The following EBI3 variants were observed in gnomAD, a reference collection of about 807,000 sequenced individuals.
The protein encoded by EBI3 is Epstein-Barr virus induced 3.
Under a neutral mutation model 21.3 loss-of-function variants are expected in EBI3, and 19 were observed. That is an observed-to-expected ratio of 0.89 (90% CI 0.62 to 1.31). EBI3 has a LOEUF of 1.31. Among genes scored for constraint, EBI3 ranks in the 50% most tolerant of loss-of-function variants. The pLI, the probability that EBI3 is intolerant of heterozygous loss-of-function variation, is 0.00. For missense variants in EBI3, 331 were observed against 314.0 expected, an observed-to-expected ratio of 1.05 and a Z score of -0.41; for synonymous variants, 154 against 131.2, an observed-to-expected ratio of 1.17 and a Z score of -1.19.
At chr19:4,233,458 G>A (rs1262075261) in intron 3 of EBI3, 151 bp downstream of exon 3, 18 of 902,592 alleles carry the variant, frequency 2.0e-5, no homozygotes, top group Non-Finnish European at 2.4e-5. Context: ...CTACCAGTAC[G>A]TGGAGCACCC....
chr19:4,229,720 C>T, intron 1 of EBI3, 103 bp downstream of exon 1: 3 of 1,233,086 alleles, frequency 2.4e-6, no homozygotes, highest in Non-Finnish European at 3.4e-6. Flanking sequence ...CCTCCCGTGC[C>T]CAATGGTGGG....
chr19:4,235,160 G>A (rs113929094), intron 4 of EBI3, among the ~76,000 whole-genome samples: 10,051 of 149,128 alleles, frequency 0.067, 555 homozygotes, highest in South Asian at 0.31. Flanking sequence ...CTGGGATTAC[G>A]GGCACGTGCC....
intron 1 of EBI3, 80 bp from the exon 2 acceptor site, chr19:4,231,111 C>T (rs562196938): frequency 6.2e-6 from 9 of 1,456,106 alleles, no homozygotes; most frequent in African/African-American, 5.8e-5. Flanking sequence ...TGGCTGGCAA[C>T]GTGGCAGGAG....
chr19:4,237,070 A>G lies in EBI3; in HGVS notation c.672A>G (p.Thr224=), dbSNP rs4905. ...LSDWSLPATA[T]MSLGK ...ACTGGAGTCTCCCCGCCACTGCCAC[A>G]ATGAGCCTGGGCAAGTAGCAAGGGC... The change falls in exon 5 of 5, where the codon ACA becomes ACG. Residue 224 remains threonine (T), a synonymous_variant. Transcript: ENST00000221847. 488,699 of 1,542,640 alleles carry G rather than the reference A, an allele frequency of 0.32. 83,375 individuals carry two copies. The highest frequency in any genetic ancestry group is 0.63 in the African/African-American group (44,794 of 71,194).
intron 4 of EBI3, among the ~76,000 whole-genome samples, chr19:4,235,800 A>AC (rs1970832220): frequency 6.6e-6 from 1 of 152,108 alleles, no homozygotes; most frequent in African/African-American, 2.4e-5. Flanking sequence ...GTGGTGACAC[A>AC]CACCTGTACC....
chr19:4,229,702 A>G (rs752857589), intron 1 of EBI3, 85 bp downstream of exon 1: 4 of 1,372,376 alleles, frequency 2.9e-6, no homozygotes, highest in Non-Finnish European at 4.0e-6. Context: ...TGGGGTGGGA[A>G]ATCACATCCT....
At position 4,234,789 on chromosome 19, in the gene EBI3, C is replaced by A. The variant is rs199852649; in HGVS notation, c.502C>A (p.Arg168Ser). 4 of 1,613,916 alleles carry A rather than the reference C, an allele frequency of 2.5e-6. No individual in the cohort carries two copies. The highest frequency in any genetic ancestry group is 3.4e-6 in the Non-Finnish European group (4 of 1,179,990). Residue 168 changes from arginine (R) to serine (S), a missense_variant, in exon 4 of 5, where the codon CGT (arginine) becomes AGT (serine). By Grantham distance (110) the Arg-to-Ser change is moderately radical. Transcript: ENST00000221847. ...GATCTTCTCACTGAAGTACTGGATC[C>A]GTTACAAGCGTCAGGGAGCTGCGCG... ...PEIFSLKYWI[R>S]YKRQGAARFH...
intron 1 of EBI3, 102 bp from the exon 2 acceptor site, chr19:4,231,089 T>C (rs1361696403): frequency 7.0e-7 from 1 of 1,427,580 alleles, no homozygotes; most frequent in Non-Finnish European, 9.2e-7. Flanking sequence ...GCACCTACCA[T>C]GTACCTGGTG....
At position 4,237,296 on chromosome 19, in the gene EBI3, C is replaced by A; in HGVS notation, c.*208C>A. 2.3e-6 allele frequency: 1 copy of A among 427,278 alleles called. No homozygotes were observed. Among genetic ancestry groups the A allele is most frequent in the Non-Finnish European group, 4.1e-6 (1 of 244,944 alleles). The allele number at this position is 427,278 out of a possible 1,614,324, so 26.5% of individuals were successfully genotyped here. A position where few individuals can be genotyped will look rare whatever the true frequency, so the allele number is the denominator to read the frequency against. On this transcript the variant is annotated 3_prime_UTR_variant, in exon 5 of 5. Coordinates refer to ENST00000221847, the MANE Select transcript of EBI3 (RefSeq NM_005755.3). ...AGAAATGGAGATGTACTACTCTCTC[C>A]TTTACCTTTACCTTTACCACAGTGC... is the stretch of plus-strand genomic sequence containing the variant.
At position 4,234,746 on chromosome 19, in the gene EBI3, G is replaced by A. The variant is rs1970821542; in HGVS notation, c.459G>A (p.Gly153=). The change falls in exon 4 of 5, where the codon GGG becomes GGA. Residue 153 remains glycine, a synonymous_variant. Coordinates refer to ENST00000221847, the MANE Select transcript of EBI3 (RefSeq NM_005755.3). The part of the protein sequence containing the change: ...RQLQVQWEPP[G]SWPFPEIFSL... ...TACAGGTGCAGTGGGAGCCTCCCGG[G>A]TCCTGGCCCTTCCCAGAGATCTTCT... 2.5e-6 allele frequency: 4 copies of A among 1,614,118 alleles called. No homozygotes were observed. Among genetic ancestry groups the A allele is most frequent in the Non-Finnish European group, 3.4e-6 (4 of 1,180,022 alleles).
At chr19:4,231,398 T>G (rs773008037) in intron 2 of EBI3, 75 bp downstream of exon 2, 18 of 1,477,134 alleles carry the variant, frequency 1.2e-5, no homozygotes, top group Non-Finnish European at 1.6e-5. Context: ...CTGAGAGCCC[T>G]GGGGTCAGGA....
Position 4,237,428 on chromosome 19 carries a change from A to T in EBI3, c.*340A>T, listed in dbSNP as rs6613. ...CGCACCTGTAATCCCAGTCACTGGG[A>T]AGCCGACGTGGGAGGGTAGCTTGAG... On this transcript the variant is annotated 3_prime_UTR_variant, in exon 5 of 5. Coordinates refer to ENST00000221847, the MANE Select transcript of EBI3 (RefSeq NM_005755.3). 0.32 allele frequency: 53,529 copies of T among 166,364 alleles called. 8,914 individuals carry two copies. Among genetic ancestry groups the T allele is most frequent in the South Asian group, 0.46 (2,266 of 4,942 alleles). The allele number at this position is 166,364 out of a possible 1,614,324, so 10.3% of individuals were successfully genotyped here.
rs4009634 is a variant in EBI3, at chr19:4,236,518, C to CAAAAAAAAAAAAAAA, written c.538-407_538-393dup. On this transcript the variant is annotated intron_variant, in intron 4 of 4. Coordinates refer to ENST00000221847, the MANE Select transcript of EBI3 (RefSeq NM_005755.3). Reference sequence around the variant, plus strand: ...CCTGGGCAACAGAGTAAGACTGTCTCAAAAAAAAAAAAAAAAAAAAAAAAA... The same window carrying CAAAAAAAAAAAAAAA: ...CCTGGGCAACAGAGTAAGACTGTCTCAAAAAAAAAAAAAAAAAAAAAAAAAAAAAAAAAAAAAAAA... 4.9e-4 allele frequency among the ~76,000 whole-genome samples: 15 copies of CAAAAAAAAAAAAAAA among 30,506 alleles called. 4 individuals carry two copies. The highest frequency in any genetic ancestry group is 1.8e-3 in the African/African-American group (12 of 6,718). The allele number at this position is 30,506 out of a possible 152,430, so 20.0% of individuals were successfully genotyped here. A position where few individuals can be genotyped will look rare whatever the true frequency, so the allele number is the denominator to read the frequency against.
At chr19:4,229,942 GACAGAGTCTC>G (rs1351629275) in intron 1 of EBI3, among the ~76,000 whole-genome samples, 1 of 152,040 alleles carries the variant, frequency 6.6e-6, no homozygotes, top group African/African-American at 2.4e-5. Context: ...TGTTTTTTGA[GACAGAGTCTC>G]ACTCTGTCGC....
chr19:4,232,945 GT>G lies in EBI3; in HGVS notation c.201-182del, dbSNP rs1385986846. The G allele has an allele frequency of 5.1e-6, 3 of 586,098 alleles. No homozygotes were observed. The African/African-American group carries it at 5.8e-5, about 11-fold the overall frequency. The allele number at this position is 586,098 out of a possible 1,614,324, so 36.3% of individuals were successfully genotyped here. ...CCTGAACCATCAGGGGCACCGTGATGTTGGGGCCCATGCCCTGCCCCCGGGG... is the reference window on the plus strand; with the variant it reads ...CCTGAACCATCAGGGGCACCGTGATGTGGGGCCCATGCCCTGCCCCCGGGG... On this transcript the variant is annotated intron_variant, in intron 2 of 4. Transcript: ENST00000221847.
In EBI3 at chr19:4,236,518, C is replaced by CAAAAAAAAAA. The variant is rs4009634; in HGVS notation, c.538-402_538-393dup. Among the ~76,000 whole-genome samples the CAAAAAAAAAA allele has an allele frequency of 2.3e-3, 70 of 30,508 alleles. 21 individuals are homozygous for CAAAAAAAAAA. The highest frequency in any genetic ancestry group is 0.016 in the East Asian group (10 of 616). The allele number at this position is 30,508 out of a possible 152,430, so 20.0% of individuals were successfully genotyped here. On this transcript the variant is annotated intron_variant, in intron 4 of 4. Coordinates refer to ENST00000221847, the MANE Select transcript of EBI3 (RefSeq NM_005755.3). ...CCTGGGCAACAGAGTAAGACTGTCT[C>CAAAAAAAAAA]AAAAAAAAAAAAAAAAAAAAAAAAA...
At chr19:4,235,592 C>T (rs1268399489) in intron 4 of EBI3, among the ~76,000 whole-genome samples, 2 of 152,348 alleles carry the variant, frequency 1.3e-5, no homozygotes, top group East Asian at 3.9e-4. Flanking sequence ...GTTGGGACTA[C>T]AGGTGTGAGG....
intron 2 of EBI3, among the ~76,000 whole-genome samples, chr19:4,232,377 T>A (rs1310275496): frequency 6.6e-6 from 1 of 150,458 alleles, no homozygotes; most frequent in African/African-American, 2.5e-5. Flanking sequence ...AGCCCAGGAG[T>A]TTGAGACCAG....
Position 4,236,985 on chromosome 19 carries a change from G to T in EBI3, c.587G>T (p.Arg196Leu). 6.4e-7 allele frequency: 1 copy of T among 1,573,984 alleles called. No individual in the cohort carries two copies. The highest frequency in any genetic ancestry group is 1.1e-5 in the South Asian group (1 of 87,452). The change falls in exon 5 of 5, where the codon CGA becomes CTA. Residue 196 changes from arginine to leucine, a missense_variant. Arg to Leu is a moderately radical substitution (Grantham distance 102). Coordinates refer to ENST00000221847, the MANE Select transcript of EBI3 (RefSeq NM_005755.3). ...TSFILRAVRP[R>L]ARYYVQVAAQ... The stretch of plus-strand genomic sequence containing the variant: ...TTCATCCTCAGGGCTGTGCGGCCCC[G>T]AGCCAGGTACTACGTCCAAGTGGCG...
Sources: allele counts gnomAD v4.1 joint callset (sites outside exome capture counted in the v4.1 genomes callset), GRCh38; gene constraint gnomAD v4.1.1; transcripts MANE v1.5; gene names NCBI Gene and HGNC (gene_info 2026-07-23, HGNC 2026-07-21).